LYPLAL1: variants seen among roughly 807,000 people sequenced by gnomAD.
LYPLAL1 encodes lysophospholipase-like protein 1.
In LYPLAL1, 23 loss-of-function variants were observed where a neutral mutation model predicts 19.7. The observed-to-expected ratio is 1.17, with a 90% CI of 0.84 to 1.65. LYPLAL1 has a LOEUF of 1.65. Ranked by LOEUF, LYPLAL1 falls within the 40% of genes most tolerant of loss-of-function variation. The pLI is 0.00. For synonymous variants in LYPLAL1, 119 were observed against 96.3 expected, an observed-to-expected ratio of 1.24 and a Z score of -1.38; for missense variants, 355 against 279.4, an observed-to-expected ratio of 1.27 and a Z score of -1.93.
At chr1:219,433,541 G>T in the LYPLAL1 span, among the ~76,000 whole-genome samples, 21 of 152,154 alleles carry the variant, frequency 1.4e-4, no homozygotes, top group Non-Finnish European at 2.9e-4. Context: ...AATATTAAGG[G>T]TAGTTATTCA....
the LYPLAL1 span, among the ~76,000 whole-genome samples, chr1:219,300,565 C>A: frequency 2.8e-4 from 36 of 128,790 alleles, no homozygotes; most frequent in Admixed American, 5.5e-4. Context: ...GATGGAGTCT[C>A]GCTCTGTCGC....
At chr1:219,301,880 T>G in the LYPLAL1 span, among the ~76,000 whole-genome samples, 1 of 152,218 alleles carries the variant, frequency 6.6e-6, no homozygotes, top group Non-Finnish European at 1.5e-5. Context: ...TAATTCTCCC[T>G]TCTCAAATTC....
the LYPLAL1 span, among the ~76,000 whole-genome samples, chr1:219,304,644 G>A: frequency 1.3e-5 from 2 of 152,146 alleles, no homozygotes; most frequent in Non-Finnish European, 1.5e-5. Context: ...ATATAAAGTC[G>A]TGTATAATTA....
the LYPLAL1 span, among the ~76,000 whole-genome samples, chr1:219,320,221 A>G: frequency 3.2e-3 from 486 of 151,852 alleles, 2 homozygotes; most frequent in Middle Eastern, 0.01. Flanking sequence ...ACCTGCTGGG[A>G]TGACACAGAC....
chr1:219,422,611 T>TA, the LYPLAL1 span, among the ~76,000 whole-genome samples: 4 of 151,430 alleles, frequency 2.6e-5, no homozygotes, highest in Admixed American at 6.6e-5. Flanking sequence ...TATGCAGGAA[T>TA]AAAAAAAAGA....
intron 3 of LYPLAL1, among the ~76,000 whole-genome samples, chr1:219,202,488 T>C (rs1201937046): frequency 6.6e-6 from 1 of 152,232 alleles, no homozygotes; most frequent in Non-Finnish European, 1.5e-5. Context: ...AGTTACTGTT[T>C]AGTATTTTTC....
chr1:219,267,041 T>C, the LYPLAL1 span, among the ~76,000 whole-genome samples: 1 of 152,128 alleles, frequency 6.6e-6, no homozygotes, highest in Non-Finnish European at 1.5e-5. Flanking sequence ...ACCACCCCAA[T>C]TTTTCTGTGA....
the LYPLAL1 span, among the ~76,000 whole-genome samples, chr1:219,291,887 A>G: frequency 2.7e-5 from 3 of 112,120 alleles, no homozygotes; most frequent in Non-Finnish European, 5.8e-5. Context: ...GAATAAAGCA[A>G]AAAAAAAAAA....
the LYPLAL1 span, among the ~76,000 whole-genome samples, chr1:219,398,288 T>C: frequency 1.3e-5 from 2 of 152,232 alleles, no homozygotes; most frequent in Admixed American, 6.5e-5. Flanking sequence ...CTGACTGTCA[T>C]ATTTCAGAAA....
intron 3 of LYPLAL1, among the ~76,000 whole-genome samples, chr1:219,207,679 A>G (rs75661628): frequency 0.013 from 2,050 of 152,166 alleles, 19 homozygotes; most frequent in Non-Finnish European, 0.021. Flanking sequence ...ATTAAATTCT[A>G]GTGAAAGTTA....
At chr1:219,293,816 G>A in the LYPLAL1 span, among the ~76,000 whole-genome samples, 3 of 152,136 alleles carry the variant, frequency 2.0e-5, no homozygotes, top group Non-Finnish European at 4.4e-5. Context: ...TTTCCAATAT[G>A]GCATCTGAGG....
chr1:219,347,801 G>A, the LYPLAL1 span, among the ~76,000 whole-genome samples: 1 of 151,788 alleles, frequency 6.6e-6, no homozygotes, highest in Non-Finnish European at 1.5e-5. Flanking sequence ...GGTCAATTGG[G>A]TGCATGAAGC....
the LYPLAL1 span, among the ~76,000 whole-genome samples, chr1:219,444,059 C>A: frequency 1.3e-5 from 2 of 152,124 alleles, no homozygotes; most frequent in Non-Finnish European, 2.9e-5. Flanking sequence ...ATGACTTCAG[C>A]TAGGAATCCA....
chr1:219,317,078 A>C, the LYPLAL1 span, among the ~76,000 whole-genome samples: 1 of 152,234 alleles, frequency 6.6e-6, no homozygotes, highest in South Asian at 2.1e-4. Flanking sequence ...AATTTAAAAA[A>C]TTGGAAAATT....
At chr1:219,285,766 G>A in the LYPLAL1 span, among the ~76,000 whole-genome samples, 1 of 152,128 alleles carries the variant, frequency 6.6e-6, no homozygotes, top group Non-Finnish European at 1.5e-5. Flanking sequence ...TTTCTTTTAG[G>A]GGCAATGAAA....
downstream of LYPLAL1, among the ~76,000 whole-genome samples, chr1:219,217,379 G>GGGGTGTGTGTGTGTGT (rs1553304603): frequency 3.7e-4 from 49 of 134,140 alleles, no homozygotes; most frequent in South Asian, 7.7e-4. Flanking sequence ...TGCCAGGTTT[G>GGGGTGTGTGTGTGTGT]GTGTGTGTGT....
At chr1:219,439,692 C>T in the LYPLAL1 span, among the ~76,000 whole-genome samples, 9 of 152,014 alleles carry the variant, frequency 5.9e-5, no homozygotes, top group Non-Finnish European at 7.4e-5. Context: ...GTGTGAAAGA[C>T]GAAATAGTGG....
intron 3 of LYPLAL1, among the ~76,000 whole-genome samples, chr1:219,201,467 GGTCA>G: frequency 6.6e-6 from 1 of 151,696 alleles, no homozygotes; most frequent in Middle Eastern, 3.4e-3. Flanking sequence ...CCAGTTATAT[GGTCA>G]GTATTTTGTT....
chr1:219,348,291 G>C, the LYPLAL1 span, among the ~76,000 whole-genome samples: 1 of 152,208 alleles, frequency 6.6e-6, no homozygotes, highest in South Asian at 2.1e-4. Flanking sequence ...GCAGGGCAGG[G>C]TTGGAAGGAG....
Sources: gnomAD v4.1 joint callset for allele counts (sites outside exome capture counted in the v4.1 genomes callset) on GRCh38, gnomAD v4.1.1 for gene constraint, MANE v1.5 for transcripts, NCBI Gene and HGNC (gene_info 2026-07-23, HGNC 2026-07-21) for gene names.